ZNF92: variants seen among roughly 807,000 people sequenced by gnomAD.
The protein encoded by ZNF92 is zinc finger protein 92.
Under a neutral mutation model 12.4 loss-of-function variants are expected in ZNF92, and 11 were observed. That is an observed-to-expected ratio of 0.89 (90% CI 0.56 to 1.47). ZNF92 has a LOEUF of 1.47. Ranked by LOEUF, ZNF92 falls within the 40% of genes most tolerant of loss-of-function variation. The pLI is 0.00. For synonymous variants in ZNF92, 206 were observed against 228.6 expected, an observed-to-expected ratio of 0.90 and a Z score of 0.89; for missense variants, 622 against 681.0, an observed-to-expected ratio of 0.91 and a Z score of 0.96.
rs1288351671 is a variant in ZNF92, at chr7:65,377,899, A to G, written c.3+3899A>G. Among the ~76,000 whole-genome samples the G allele has an allele frequency of 4.6e-5, 7 of 152,164 alleles. 1 individual carries two copies. Among genetic ancestry groups the G allele is most frequent in the African/African-American group, 1.7e-4 (7 of 41,434 alleles). Reference sequence around the variant, plus strand: ...CTTTCTAAAATAAAACAAAGTTAGAATTATGTAAAAACATTTGAATTCCAA... The same window carrying G: ...CTTTCTAAAATAAAACAAAGTTAGAGTTATGTAAAAACATTTGAATTCCAA... On this transcript the variant is annotated intron_variant, in intron 1 of 3. Coordinates refer to ENST00000328747, the MANE Select transcript of ZNF92 (RefSeq NM_152626.4).
chr7:65,387,545 C>T (rs1218857340), intron 1 of ZNF92, among the ~76,000 whole-genome samples: 4 of 149,104 alleles, frequency 2.7e-5, no homozygotes, highest in Non-Finnish European at 1.5e-5. Flanking sequence ...TTCAGTTTAT[C>T]ATACACATTA....
chr7:65,385,705 T>C (rs544413274), intron 1 of ZNF92, among the ~76,000 whole-genome samples: 4 of 152,136 alleles, frequency 2.6e-5, no homozygotes, highest in Non-Finnish European at 4.4e-5. Flanking sequence ...CTGCAGGTCT[T>C]GGACCTTCTG....
chr7:65,398,358 G>A lies in ZNF92; in HGVS notation c.244G>A (p.Ala82Thr). The A allele has an allele frequency of 6.4e-7, 1 of 1,555,704 alleles. No individual in the cohort carries two copies. Among genetic ancestry groups the A allele is most frequent in the Non-Finnish European group, 8.7e-7 (1 of 1,154,284 alleles). Reference sequence around the variant, plus strand: ...TTTTTCAGTTATGTGTTCTCATTTTGCCCAAGATGTTTGGCCAGAGCACAG... The same window carrying A: ...TTTTTCAGTTATGTGTTCTCATTTTACCCAAGATGTTTGGCCAGAGCACAG... Reference protein sequence around the residue: ...DKTPVMCSHFAQDVWPEHSIK... With the variant: ...DKTPVMCSHFTQDVWPEHSIK... Residue 82 changes from alanine to threonine, a missense_variant, in exon 4 of 4, where the codon GCC (alanine) becomes ACC (threonine). Coordinates refer to ENST00000328747, the MANE Select transcript of ZNF92 (RefSeq NM_152626.4).
intron 1 of ZNF92, among the ~76,000 whole-genome samples, chr7:65,376,626 T>C (rs1246677325): frequency 6.6e-6 from 1 of 152,224 alleles, no homozygotes; most frequent in African/African-American, 2.4e-5. Context: ...TTTGTATTTT[T>C]GGTAGAGACA....
chr7:65,388,997 T>C, intron 3 of ZNF92, 96 bp downstream of exon 3: 1 of 1,113,786 alleles, frequency 9.0e-7, no homozygotes, highest in Non-Finnish European at 1.3e-6. Context: ...TTTGACCTTG[T>C]TGTCCAGGCT....
At chr7:65,378,403 T>G (rs1271890118) in intron 1 of ZNF92, among the ~76,000 whole-genome samples, 2 of 151,936 alleles carry the variant, frequency 1.3e-5, no homozygotes, top group Non-Finnish European at 2.9e-5. Flanking sequence ...TGAAGGTAGC[T>G]CAAAGCGCAG....
At chr7:65,391,393 T>C (rs760384489) in intron 3 of ZNF92, among the ~76,000 whole-genome samples, 2 of 152,152 alleles carry the variant, frequency 1.3e-5, no homozygotes, top group Non-Finnish European at 2.9e-5. Context: ...TTCAAATTTG[T>C]CTGTAACTTT....
In ZNF92 at chr7:65,375,868, T is replaced by A. The variant is rs931311907; in HGVS notation, c.3+1868T>A. 4.0e-5 allele frequency among the ~76,000 whole-genome samples: 6 copies of A among 151,586 alleles called. 1 individual carries two copies. Among genetic ancestry groups the A allele is most frequent in the African/African-American group, 1.2e-4 (5 of 41,298 alleles). ...ACAAACAAAAACAACCTGATCCCAG[T>A]GAGATGGTACAAGAACTTGCAAAGT... is the stretch of plus-strand genomic sequence containing the variant. On this transcript the variant is annotated intron_variant, in intron 1 of 3. Coordinates refer to ENST00000328747, the MANE Select transcript of ZNF92 (RefSeq NM_152626.4).
At position 65,374,009 on chromosome 7, in the gene ZNF92, G is replaced by C. The variant is rs534304426; in HGVS notation, c.3+9G>C. On this transcript the variant is annotated intron_variant, in intron 1 of 3. Transcript: ENST00000328747. ...CTGGAAGCCTAGAAATGGTGAGCCT[G>C]CTGGGTCCCACATCCCGAGAGAGGG... 1.2e-6 allele frequency: 2 copies of C among 1,614,152 alleles called. No individual in the cohort carries two copies. Among genetic ancestry groups the C allele is most frequent in the African/African-American group, 2.7e-5 (2 of 75,054 alleles).
chr7:65,396,480 T>C (rs1247734136), intron 3 of ZNF92, among the ~76,000 whole-genome samples: 1 of 152,150 alleles, frequency 6.6e-6, no homozygotes, highest in Non-Finnish European at 1.5e-5. Context: ...ATATTGTGTT[T>C]CTATTAACAG....
chr7:65,386,369 A>G (rs1793564714), intron 1 of ZNF92, among the ~76,000 whole-genome samples: 1 of 152,102 alleles, frequency 6.6e-6, no homozygotes, highest in Admixed American at 6.6e-5. Flanking sequence ...GGCTTCTTAT[A>G]TGCCATGTAG....
chr7:65,391,159 A>G (rs1334265862), intron 3 of ZNF92, among the ~76,000 whole-genome samples: 1 of 152,062 alleles, frequency 6.6e-6, no homozygotes, highest in Admixed American at 6.6e-5. Context: ...TTCATAACCC[A>G]TTCTGGTCTT....
At chr7:65,385,590 C>G (rs1219547099) in intron 1 of ZNF92, among the ~76,000 whole-genome samples, 1 of 152,104 alleles carries the variant, frequency 6.6e-6, no homozygotes, top group Admixed American at 6.5e-5. Flanking sequence ...TCTGTGGTAG[C>G]AGAGGGCATC....
chr7:65,397,405 T>C (rs1459818158), intron 3 of ZNF92, among the ~76,000 whole-genome samples: 1 of 135,978 alleles, frequency 7.4e-6, no homozygotes, highest in East Asian at 2.3e-4. Flanking sequence ...ATTTTTGTTA[T>C]CCTCATTTAT....
intron 1 of ZNF92, among the ~76,000 whole-genome samples, chr7:65,376,492 G>T (rs1412162557): frequency 6.6e-6 from 1 of 152,032 alleles, no homozygotes; most frequent in Non-Finnish European, 1.5e-5. Flanking sequence ...TGTCACCCAG[G>T]CTGGAGTGCA....
chr7:65,383,532 A>G (rs1793480245), intron 1 of ZNF92, among the ~76,000 whole-genome samples: 1 of 151,962 alleles, frequency 6.6e-6, no homozygotes, highest in East Asian at 1.9e-4. Context: ...AGCTTTTCAG[A>G]TCTTGTTCAG....
At chr7:65,375,935 T>C (rs1226406197) in intron 1 of ZNF92, among the ~76,000 whole-genome samples, 1 of 152,028 alleles carries the variant, frequency 6.6e-6, no homozygotes, top group East Asian at 1.9e-4. Flanking sequence ...AGGGTGGTTA[T>C]TGAGTCTCCC....
At position 65,401,113 on chromosome 7, in the gene ZNF92, T is replaced by C. The variant is rs147784515; in HGVS notation, c.*1238T>C. The C allele has an allele frequency of 6.6e-6, 1 of 152,170 alleles. No individual in the cohort carries two copies. The highest frequency in any genetic ancestry group is 2.4e-5 in the African/African-American group (1 of 41,546). The allele number at this position is 152,170 out of a possible 1,614,324, so 9.4% of individuals were successfully genotyped here. On this transcript the variant is annotated 3_prime_UTR_variant, in exon 4 of 4. Transcript: ENST00000328747. ...TTGTGTGTGAACTTAATTTTGTAAT[T>C]AAACATTTTTTTTAGCATGCTAAGA...
chr7:65,376,757 T>C (rs1405859525), intron 1 of ZNF92, among the ~76,000 whole-genome samples: 1 of 152,192 alleles, frequency 6.6e-6, no homozygotes, highest in Non-Finnish European at 1.5e-5. Context: ...CTTGTGTTTT[T>C]TATGGCTGGG....
Sources: allele counts gnomAD v4.1 joint callset (sites outside exome capture counted in the v4.1 genomes callset), GRCh38; gene constraint gnomAD v4.1.1; transcripts MANE v1.5; gene names NCBI Gene and HGNC (gene_info 2026-07-23, HGNC 2026-07-21).